Variants in ZDHHC21 observed in about 807,000 individuals in gnomAD.
ZDHHC21 encodes palmitoyltransferase ZDHHC21.
In ZDHHC21, 15 loss-of-function variants were observed where a neutral mutation model predicts 34.6. The ratio of observed to expected loss-of-function variants is 0.43; its 90% CI spans 0.29 to 0.67. The LOEUF (loss-of-function observed/expected upper bound fraction) is 0.67. Among genes scored for constraint, ZDHHC21 ranks in the 30% least tolerant of loss-of-function variants. ZDHHC21 has a pLI of 0.14. For synonymous variants in ZDHHC21, 142 were observed against 101.8 expected, an observed-to-expected ratio of 1.40 and a Z score of -2.38; for missense variants, 344 against 327.7, an observed-to-expected ratio of 1.05 and a Z score of -0.38.
intron 7 of ZDHHC21, among the ~76,000 whole-genome samples, chr9:14,651,933 A>G (rs1352210796): frequency 2.0e-5 from 3 of 151,924 alleles, no homozygotes; most frequent in African/African-American, 7.2e-5. Flanking sequence ...AGGTTTTAGA[A>G]CCTAGACAAT....
rs538751164 is a variant in ZDHHC21 at position 14,617,146 on chromosome 9, T to C, written c.*1820A>G. The C allele has an allele frequency of 3.9e-5, 6 of 152,092 alleles. No individual in the cohort carries two copies. The highest frequency in any genetic ancestry group is 1.4e-4 in the African/African-American group (6 of 41,562). 9.4% of individuals were successfully genotyped at this position (152,092 alleles called of 1,614,324 possible). On this transcript the variant is annotated 3_prime_UTR_variant, in exon 10 of 10. Coordinates refer to ENST00000380916, the MANE Select transcript of ZDHHC21 (RefSeq NM_178566.6). Reference sequence around the variant, plus strand: ...TGAACAGTTCTGTCACCAGGCCAAATGTGGCCAAATTAGCTTGCACAAAAT... The same window carrying C: ...TGAACAGTTCTGTCACCAGGCCAAACGTGGCCAAATTAGCTTGCACAAAAT...
downstream of ZDHHC21, among the ~76,000 whole-genome samples, chr9:14,606,523 G>C (rs1823019573): frequency 1.3e-5 from 2 of 152,128 alleles, no homozygotes; most frequent in Non-Finnish European, 2.9e-5. Context: ...GAATCTTCCA[G>C]GATCTTTCGG....
At chr9:14,662,091 T>A (rs1485919272) in intron 6 of ZDHHC21, 124 bp downstream of exon 6, 2 of 553,924 alleles carry the variant, frequency 3.6e-6, no homozygotes, top group East Asian at 3.2e-5. Flanking sequence ...AATAAAGATA[T>A]CCTTATTAAG....
chr9:14,604,777 A>T, the ZDHHC21 span, among the ~76,000 whole-genome samples: 3 of 152,168 alleles, frequency 2.0e-5, no homozygotes, highest in Non-Finnish European at 4.4e-5. Context: ...AATTTTAAGT[A>T]TAGTGCAGTA....
chr9:14,639,142 C>G (rs568986978), intron 8 of ZDHHC21, among the ~76,000 whole-genome samples: 2 of 152,044 alleles, frequency 1.3e-5, no homozygotes, highest in African/African-American at 4.8e-5. Flanking sequence ...TTTTAAAAAT[C>G]TGGTATATAT....
chr9:14,662,211 T>C lies in ZDHHC21; in HGVS notation c.365+4A>G. The C allele has an allele frequency of 1.3e-6, 2 of 1,588,972 alleles. No individual in the cohort carries two copies. Among genetic ancestry groups the C allele is most frequent in the South Asian group, 1.2e-5 (1 of 86,510 alleles). ...TTTCTTTGCTAGAAGTGAATTATTC[T>C]TACCATGGACAGTGATGATCCATTC... On this transcript the variant is annotated splice_donor_region_variant and intron_variant, in intron 6 of 9. Coordinates refer to ENST00000380916, the MANE Select transcript of ZDHHC21 (RefSeq NM_178566.6).
At chr9:14,627,866 A>G (rs1826568628) in intron 8 of ZDHHC21, among the ~76,000 whole-genome samples, 2 of 152,192 alleles carry the variant, frequency 1.3e-5, no homozygotes, top group South Asian at 2.1e-4. Context: ...CTACTGCTCA[A>G]TAATTCAGAC....
At chr9:14,635,730 C>T (rs199623521) in intron 8 of ZDHHC21, among the ~76,000 whole-genome samples, 1 of 152,138 alleles carries the variant, frequency 6.6e-6, no homozygotes, top group East Asian at 1.9e-4. Flanking sequence ...CATAAAAACA[C>T]ATGAAAGTAT....
At chr9:14,605,562 T>C in the ZDHHC21 span, among the ~76,000 whole-genome samples, 1 of 119,128 alleles carries the variant, frequency 8.4e-6, no homozygotes, top group Non-Finnish European at 2.0e-5. Context: ...TATTAAGTTG[T>C]AGGAGCTCGT....
the ZDHHC21 span, among the ~76,000 whole-genome samples, chr9:14,596,179 A>T: frequency 1.3e-5 from 2 of 152,236 alleles, no homozygotes; most frequent in Admixed American, 1.3e-4. Flanking sequence ...GTTTATAGTA[A>T]ATGAATCGAT....
chr9:14,643,466 A>C (rs1829754940), intron 7 of ZDHHC21, among the ~76,000 whole-genome samples: 1 of 152,142 alleles, frequency 6.6e-6, no homozygotes, highest in African/African-American at 2.4e-5. Context: ...CCTGCTCTGA[A>C]ACTACCCTAT....
At chr9:14,658,689 T>A (rs1476686121) in intron 7 of ZDHHC21, 60 bp downstream of exon 7, 2 of 1,412,430 alleles carry the variant, frequency 1.4e-6, no homozygotes, top group Non-Finnish European at 2.0e-6. Context: ...GCCAGGATGG[T>A]CTCGATCTCC....
intron 8 of ZDHHC21, among the ~76,000 whole-genome samples, chr9:14,622,014 C>T (rs902628872): frequency 3.9e-5 from 6 of 152,098 alleles, no homozygotes; most frequent in African/African-American, 1.4e-4. Flanking sequence ...AAATATAAGT[C>T]CTCAGTTATA....
Position 14,666,646 on chromosome 9 carries a change from T to C in ZDHHC21, c.254-4320A>G, listed in dbSNP as rs907285523. 1.6e-4 allele frequency among the ~76,000 whole-genome samples: 18 copies of C among 109,218 alleles called. 4 individuals are homozygous for C. The highest frequency in any genetic ancestry group is 3.7e-4 in the Non-Finnish European group (18 of 48,414). 71.7% of individuals were successfully genotyped at this position (109,218 alleles called of 152,430 possible). A position where few individuals can be genotyped will look rare whatever the true frequency, so the allele number is the denominator to read the frequency against. On this transcript the variant is annotated intron_variant, in intron 5 of 9. Coordinates refer to ENST00000380916, the MANE Select transcript of ZDHHC21 (RefSeq NM_178566.6). ...TAAAAGAACAGAAATTATAACAAAC[T>C]GTCTCTCAGACCACAGTGCAATCAA...
intron 8 of ZDHHC21, 105 bp downstream of exon 8, chr9:14,639,791 G>C (rs111322559): frequency 3.3e-6 from 2 of 600,512 alleles, no homozygotes; most frequent in African/African-American, 1.9e-5. Flanking sequence ...AAAAGCATGG[G>C]TAATTTTCTC....
intron 9 of ZDHHC21, 151 bp downstream of exon 9, chr9:14,619,488 G>C (rs1257495553): frequency 8.1e-6 from 5 of 617,370 alleles, no homozygotes; most frequent in Non-Finnish European, 1.3e-5. Flanking sequence ...CCTACTGTAA[G>C]ACTGGGGTAG....
At chr9:14,644,837 C>G (rs73644817) in intron 7 of ZDHHC21, among the ~76,000 whole-genome samples, 4 of 150,242 alleles carry the variant, frequency 2.7e-5, no homozygotes, top group Non-Finnish European at 5.9e-5. Flanking sequence ...CACACACACA[C>G]ATATATATAT....
intron 7 of ZDHHC21, among the ~76,000 whole-genome samples, chr9:14,642,610 G>C (rs1384650946): frequency 1.3e-5 from 2 of 152,160 alleles, no homozygotes; most frequent in Non-Finnish European, 2.9e-5. Context: ...TATAAGAAGA[G>C]GAAATTTGGA....
At chr9:14,662,782 T>C (rs933564606) in intron 5 of ZDHHC21, among the ~76,000 whole-genome samples, 1 of 152,178 alleles carries the variant, frequency 6.6e-6, no homozygotes, top group African/African-American at 2.4e-5. Flanking sequence ...ATCAACCCTA[T>C]AAACTCATCC....
Sources: gnomAD v4.1 joint callset for allele counts (sites outside exome capture counted in the v4.1 genomes callset) on GRCh38, gnomAD v4.1.1 for gene constraint, MANE v1.5 for transcripts, NCBI Gene and HGNC (gene_info 2026-07-23, HGNC 2026-07-21) for gene names.